Variants in HNF4G observed in about 807,000 individuals in gnomAD.
The protein encoded by HNF4G is hepatocyte nuclear factor 4-gamma.
In HNF4G, 21 loss-of-function variants were observed where a neutral mutation model predicts 50.9. The ratio of observed to expected loss-of-function variants is 0.41; its 90% confidence interval spans 0.29 to 0.59. The LOEUF (loss-of-function observed/expected upper bound fraction) is 0.59, where lower values mean the gene tolerates loss of function less well. Among genes scored for constraint, HNF4G ranks in the 20% least tolerant of loss-of-function variants. HNF4G has a pLI of 0.26. For synonymous variants in HNF4G, 198 were observed against 185.6 expected, an observed-to-expected ratio of 1.07 and a Z score of -0.54; for missense variants, 527 against 559.4, an observed-to-expected ratio of 0.94 and a Z score of 0.58.
chr8:75,419,546 T>C (rs1403374542), intron 1 of HNF4G, among the ~76,000 whole-genome samples: 1 of 152,172 alleles, frequency 6.6e-6, no homozygotes, highest in African/African-American at 2.4e-5. Flanking sequence ...AAGAGATAAA[T>C]ACACATAAGC....
chr8:75,430,369 A>G (rs963987970), intron 1 of HNF4G, among the ~76,000 whole-genome samples: 5 of 152,094 alleles, frequency 3.3e-5, no homozygotes, highest in Non-Finnish European at 7.4e-5. Flanking sequence ...TGGGCTGGCA[A>G]AAGTTGGCAG....
At chr8:75,419,319 C>A (rs954290425) in intron 1 of HNF4G, among the ~76,000 whole-genome samples, 4 of 152,104 alleles carry the variant, frequency 2.6e-5, no homozygotes, top group African/African-American at 7.2e-5. Context: ...CTCATACAGG[C>A]ATTTATGTAT....
chr8:75,427,392 A>G (rs1810914807), intron 1 of HNF4G, among the ~76,000 whole-genome samples: 1 of 152,158 alleles, frequency 6.6e-6, no homozygotes. Context: ...AGCTTGGCCA[A>G]CATGGTGAAA....
chr8:75,443,519 C>T (rs559805118), intron 1 of HNF4G, among the ~76,000 whole-genome samples: 1 of 152,026 alleles, frequency 6.6e-6, no homozygotes, highest in Admixed American at 6.6e-5. Flanking sequence ...TTAAAGTATT[C>T]GATGTTTTAC....
At chr8:75,528,289 G>A (rs1806235167) in intron 2 of HNF4G, among the ~76,000 whole-genome samples, 1 of 152,136 alleles carries the variant, frequency 6.6e-6, no homozygotes, top group Admixed American at 6.5e-5. Context: ...TAGATACACT[G>A]CCAATATATA....
At chr8:75,457,099 C>T (rs964798600) in intron 1 of HNF4G, among the ~76,000 whole-genome samples, 1 of 152,158 alleles carries the variant, frequency 6.6e-6, no homozygotes. Context: ...ATATCCAGAA[C>T]AGATCCATTG....
rs572463053 is a variant in HNF4G, at chr8:75,477,647, T to TA, written c.-143-12437dup. Among the ~76,000 whole-genome samples, 38 of 151,888 alleles carry TA rather than the reference T, an allele frequency of 2.5e-4. No individual in the cohort carries two copies. In the South Asian group the frequency reaches 6.4e-3, roughly 26 times the overall value. On this transcript the variant is annotated intron_variant, in intron 1 of 10. Coordinates refer to the HNF4G transcript ENST00000354370. ...TTCTTTGTATTACTATTTGCACCATTAAAAATATATATATAAATATATATT... is the reference window on the plus strand; with the variant it reads ...TTCTTTGTATTACTATTTGCACCATTAAAAAATATATATATAAATATATATT...
At chr8:75,412,757 T>A (rs542823961) in intron 1 of HNF4G, among the ~76,000 whole-genome samples, 1 of 152,054 alleles carries the variant, frequency 6.6e-6, no homozygotes, top group Admixed American at 6.6e-5. Context: ...GACATCATAG[T>A]TACAGGTTCC....
At chr8:75,502,991 A>G (rs1812971556) in intron 2 of HNF4G, among the ~76,000 whole-genome samples, 1 of 152,214 alleles carries the variant, frequency 6.6e-6, no homozygotes, top group South Asian at 2.1e-4. Context: ...ATACTCATGC[A>G]GTTTTTACTT....
chr8:75,421,945 G>T (rs1003356213), intron 1 of HNF4G, among the ~76,000 whole-genome samples: 7 of 152,118 alleles, frequency 4.6e-5, no homozygotes, highest in Admixed American at 3.9e-4. Flanking sequence ...GTTTCTATGT[G>T]TGTGTGCGCG....
intron 1 of HNF4G, among the ~76,000 whole-genome samples, chr8:75,471,014 T>C (rs1023364889): frequency 1.3e-5 from 2 of 152,192 alleles, no homozygotes; most frequent in Admixed American, 6.5e-5. Context: ...ACTGCACTGC[T>C]GGAACCTTAA....
chr8:75,557,141 AC>A (rs1456610006), intron 6 of HNF4G, among the ~76,000 whole-genome samples: 29 of 152,218 alleles, frequency 1.9e-4, no homozygotes, highest in Admixed American at 5.2e-4. Context: ...AATGCAATAT[AC>A]CTAGAAAACA....
chr8:75,429,352 TTCTC>T (rs1221133634), intron 1 of HNF4G, among the ~76,000 whole-genome samples: 2 of 152,142 alleles, frequency 1.3e-5, no homozygotes, highest in Non-Finnish European at 2.9e-5. Context: ...AACTCCATTT[TTCTC>T]TCTCTTTCTC....
At position 75,564,887 on chromosome 8, in the gene HNF4G, T is replaced by C. The variant is rs2941480; in HGVS notation, c.*791T>C. ...TAGTTATCCATTGACTAGAAATTAG[T>C]ACATGCCCACAGCTGGCTCCCACGG... On this transcript the variant is annotated 3_prime_UTR_variant, in exon 10 of 10. Coordinates refer to ENST00000396423, the MANE Select transcript of HNF4G (RefSeq NM_004133.5). The C allele has an allele frequency of 0.64, 96,499 of 151,924 alleles. 32,161 individuals carry two copies. The highest frequency in any genetic ancestry group is 0.84 in the African/African-American group (34,633 of 41,466). 9.4% of individuals were successfully genotyped at this position (151,924 alleles called of 1,614,324 possible).
intron 1 of HNF4G, among the ~76,000 whole-genome samples, chr8:75,442,281 G>T (rs1271369570): frequency 6.6e-6 from 1 of 152,036 alleles, no homozygotes; most frequent in East Asian, 1.9e-4. Context: ...TGGGTATCGG[G>T]TATATGGATA....
At chr8:75,552,463 A>G (rs1806986880) in intron 4 of HNF4G, among the ~76,000 whole-genome samples, 1 of 152,164 alleles carries the variant, frequency 6.6e-6, no homozygotes, top group East Asian at 1.9e-4. Context: ...TTACAAATTT[A>G]CAAATCTTAC....
chr8:75,545,031 C>T lies in HNF4G; in HGVS notation c.287+1052C>T, dbSNP rs78247075. On this transcript the variant is annotated intron_variant, in intron 2 of 9. Transcript: ENST00000396423. ...CAGGTTAAGAGAAATATAAATTGCC[C>T]ACTTTAAAAACTTTCTAGGTAAACA... Among the ~76,000 whole-genome samples, 958 of 151,944 alleles carry T rather than the reference C, an allele frequency of 6.3e-3. 29 individuals carry two copies. The East Asian group carries it at 0.091, about 14-fold the overall frequency.
chr8:75,546,376 G>A (rs1806777907), intron 2 of HNF4G, among the ~76,000 whole-genome samples: 2 of 151,962 alleles, frequency 1.3e-5, no homozygotes, highest in Admixed American at 1.3e-4. Flanking sequence ...TCTTTTTTAT[G>A]TGTTTGTTTG....
At chr8:75,504,468 T>C (rs1241156160) in intron 2 of HNF4G, among the ~76,000 whole-genome samples, 1 of 151,418 alleles carries the variant, frequency 6.6e-6, no homozygotes, top group African/African-American at 2.4e-5. Context: ...TAACTCTTGA[T>C]ATATACATAT....
Sources: allele counts gnomAD v4.1 joint callset (sites outside exome capture counted in the v4.1 genomes callset), GRCh38; gene constraint gnomAD v4.1.1; transcripts MANE v1.5; gene names NCBI Gene and HGNC (gene_info 2026-07-23, HGNC 2026-07-21).